LYST: variants seen among roughly 807,000 people sequenced by gnomAD.
LYST encodes the protein lysosomal-trafficking regulator.
A neutral mutation model predicts 413.6 loss-of-function variants in LYST; 192 were observed. The ratio of observed to expected loss-of-function variants is 0.46; its 90% CI spans 0.41 to 0.52. The LOEUF is 0.52. Ranked by LOEUF, LYST falls within the 20% of genes least tolerant of loss-of-function variation. The pLI, the probability that LYST is intolerant of heterozygous loss-of-function variation, is 0.00. For synonymous variants in LYST, 1,525 were observed against 1,567.3 expected (o/e 0.97, Z 0.64); for missense variants, 3,815 against 4,499.9 (o/e 0.85, Z 4.35).
chr1:235,724,379 A>AT, intron 38 of LYST, among the ~76,000 whole-genome samples, 199 bp from the exon 39 acceptor site: 1 of 152,274 alleles, frequency 6.6e-6, no homozygotes, highest in South Asian at 2.1e-4. Context: ...AATAGGCTTT[A>AT]TTTTTTAGAC....
chr1:235,663,196 A>T (rs550217456), intron 52 of LYST, 118 bp from the exon 53 acceptor site: 1 of 735,018 alleles, frequency 1.4e-6, no homozygotes, highest in African/African-American at 1.7e-5. Flanking sequence ...AGAGAGACAT[A>T]AACTAAATGA....
Position 235,808,501 on chromosome 1 carries a change from C to A in LYST, c.2317G>T (p.Val773Leu), listed in dbSNP as rs546317523. The A allele has an allele frequency of 2.5e-6, 4 of 1,613,374 alleles. No individual in the cohort carries two copies. Among genetic ancestry groups the A allele is most frequent in the African/African-American group, 1.3e-5 (1 of 74,760 alleles). ...AGAGTTTTTACATAAATCTGAAGCA[C>A]GTCCTGAGGCAAGCACTGGTTATGA... ...SHHNQCLPQDVLQIYVKTLPI... is the reference protein window; with the variant it reads ...SHHNQCLPQDLLQIYVKTLPI... Residue 773 changes from valine (V) to leucine (L), a missense_variant, in exon 5 of 53, where the codon GTG (valine) becomes TTG (leucine). Physicochemically the swap from Val to Leu is conservative, Grantham distance 32. Transcript: ENST00000389793.
rs1305986127 is a variant in LYST, at chr1:235,674,852, T to C, written c.11038+2239A>G. On this transcript the variant is annotated intron_variant, in intron 50 of 52. Coordinates refer to ENST00000389793, the MANE Select transcript of LYST (RefSeq NM_000081.4). The surrounding 1 kb of genome is among the most constrained non-coding windows in gnomAD (Gnocchi z 4.1). ...AATTAGCCGAAAAGTCATAGAAAAA[T>C]GGTTTAGAAAATAGAAAGGACTCAT... Among the ~76,000 whole-genome samples the C allele has an allele frequency of 6.6e-6, 1 of 151,976 alleles. No homozygotes were observed. Among genetic ancestry groups the C allele is most frequent in the African/African-American group, 2.4e-5 (1 of 41,362 alleles).
In LYST at chr1:235,806,020, A is replaced by G; in HGVS notation, c.3116T>C (p.Leu1039Ser). ...QPKRTMKEDL[L>S]SLAIKSDPIP... ...GGGGTCACTTTTTATAGCCAAAGATAATAAATCTTCCTTCATAGTTCTCTT... is the reference window on the plus strand; with the variant it reads ...GGGGTCACTTTTTATAGCCAAAGATGATAAATCTTCCTTCATAGTTCTCTT... The change falls in exon 6 of 53, where the codon TTA becomes TCA. Residue 1039 changes from leucine to serine, a missense_variant. Physicochemically the swap from Leu to Ser is moderately radical, Grantham distance 145. Transcript: ENST00000389793. 6.2e-7 allele frequency: 1 copy of G among 1,613,988 alleles called. No homozygotes were observed. The highest frequency in any genetic ancestry group is 2.2e-5 in the East Asian group (1 of 44,870).
chr1:235,699,689 C>T (rs1661394546), intron 45 of LYST, among the ~76,000 whole-genome samples: 1 of 152,176 alleles, frequency 6.6e-6, no homozygotes, highest in Non-Finnish European at 1.5e-5. Context: ...ATTTACATTC[C>T]CACTAACGGT....
intron 18 of LYST, 69 bp from the exon 19 acceptor site, chr1:235,774,060 T>A: frequency 9.6e-7 from 1 of 1,038,386 alleles, no homozygotes; most frequent in Non-Finnish European, 1.5e-6. Context: ...ACAGAAACAT[T>A]AAGCTTTCAA....
intron 31 of LYST, chr1:235,739,033 G>T (rs551182756): frequency 1.8e-5 from 12 of 664,588 alleles, no homozygotes; most frequent in Admixed American, 1.6e-4. Context: ...GCTACAATAG[G>T]ATTTTAGTTG....
intron 1 of LYST, among the ~76,000 whole-genome samples, chr1:235,847,476 G>A (rs972063440): frequency 3.9e-5 from 6 of 151,990 alleles, no homozygotes; most frequent in Non-Finnish European, 7.4e-5. Context: ...AAGTTAAAAA[G>A]CAAAAACAAA....
chr1:235,773,268 A>G (rs990455665), intron 19 of LYST, among the ~76,000 whole-genome samples: 5 of 152,186 alleles, frequency 3.3e-5, no homozygotes, highest in African/African-American at 1.2e-4. Context: ...CAGTGAGCCA[A>G]GATCACGCCA....
intron 1 of LYST, among the ~76,000 whole-genome samples, chr1:235,880,475 T>C (rs1455719982): frequency 6.6e-6 from 1 of 152,236 alleles, no homozygotes; most frequent in Non-Finnish European, 1.5e-5. Context: ...TAACAGTGAC[T>C]AAACACATCT....
intron 50 of LYST, among the ~76,000 whole-genome samples, chr1:235,672,938 C>T (rs1659067267): frequency 6.6e-6 from 1 of 152,188 alleles, no homozygotes; most frequent in South Asian, 2.1e-4. Flanking sequence ...AGACTCAAAG[C>T]CTCCTAGCAC....
Position 235,810,085 on chromosome 1 carries a change from A to G in LYST, c.733T>C (p.Ser245Pro), listed in dbSNP as rs757772723. The G allele has an allele frequency of 6.2e-7, 1 of 1,614,104 alleles. No homozygotes were observed. The highest frequency in any genetic ancestry group is 8.5e-7 in the Non-Finnish European group (1 of 1,179,954). ...GAATTGTTCATGTTACTGATAACAG[A>G]CAAGGCAGCTGGCTCACTTAAAATG... is the stretch of plus-strand genomic sequence containing the variant. ...TDILSEPAAL[S>P]VISNMNNSPF... The change falls in exon 5 of 53, where the codon TCT (serine) becomes CCT (proline). Residue 245 changes from serine (S) to proline (P), a missense_variant. Physicochemically the swap from Ser to Pro is moderately conservative, Grantham distance 74. This residue lies in a region of LYST where 1,648 missense variants were observed against 1,810.3 expected (regional missense o/e 0.91). Coordinates refer to ENST00000389793, the MANE Select transcript of LYST (RefSeq NM_000081.4).
intron 44 of LYST, among the ~76,000 whole-genome samples, chr1:235,707,741 A>C (rs746098369): frequency 3.6e-4 from 55 of 152,244 alleles, no homozygotes; most frequent in Non-Finnish European, 4.6e-4. Flanking sequence ...AATAGCAAAC[A>C]AATCCTAACT....
intron 10 of LYST, among the ~76,000 whole-genome samples, chr1:235,798,594 A>C (rs1572292920): frequency 1.9e-5 from 1 of 52,442 alleles, no homozygotes; most frequent in East Asian, 2.3e-4. Context: ...AAAAAAAAAA[A>C]AAAAAAAAAA....
At chr1:235,756,536 G>T (rs550781966) in intron 24 of LYST, among the ~76,000 whole-genome samples, 2 of 152,204 alleles carry the variant, frequency 1.3e-5, no homozygotes, top group Non-Finnish European at 2.9e-5. Flanking sequence ...ATACTAGGTT[G>T]TATTGCAAGT....
intron 31 of LYST, chr1:235,738,085 G>A: frequency 6.2e-6 from 10 of 1,604,136 alleles, no homozygotes; most frequent in Non-Finnish European, 3.4e-6. Context: ...GTTGGGGTTG[G>A]TGCTCTTGGC....
At chr1:235,742,385 G>T (rs1298256973) in intron 30 of LYST, among the ~76,000 whole-genome samples, 1 of 151,698 alleles carries the variant, frequency 6.6e-6, no homozygotes, top group Non-Finnish European at 1.5e-5. Flanking sequence ...AACCTGGGAG[G>T]TGGAGGCTGC....
At chr1:235,828,676 G>A in intron 3 of LYST, 2 of 597,170 alleles carry the variant, frequency 3.3e-6, no homozygotes, top group Non-Finnish European at 4.2e-6. Context: ...TACTATTACT[G>A]ATGCTATTTA....
intron 24 of LYST, among the ~76,000 whole-genome samples, chr1:235,756,057 A>ATATCTATATCTG (rs1553283360): frequency 1.2e-4 from 14 of 113,592 alleles, no homozygotes; most frequent in African/African-American, 4.1e-4. Flanking sequence ...ATCTATATCT[A>ATATCTATATCTG]TATCTGTATC....
Sources: gnomAD v4.1 joint callset for allele counts (sites outside exome capture counted in the v4.1 genomes callset) on GRCh38, gnomAD v4.1.1 for gene constraint, gnomAD v4.1.1 regional missense constraint, Gnocchi (gnomAD v3.1) non-coding constraint, MANE v1.5 for transcripts, NCBI Gene and HGNC (gene_info 2026-07-23, HGNC 2026-07-21) for gene names.